RTTN: variants seen among roughly 807,000 people sequenced by gnomAD.
RTTN encodes rotatin.
RTTN carries 182 observed loss-of-function variants against 269.2 expected under a neutral mutation model. The ratio of observed to expected loss-of-function variants is 0.68; its 90% CI spans 0.60 to 0.76. RTTN has a LOEUF of 0.76. Ranked by LOEUF, RTTN falls within the 30% of genes least tolerant of loss-of-function variation. The pLI is 0.00. For missense variants in RTTN, 2,545 were observed against 2,608.6 expected, an observed-to-expected ratio of 0.98 and a Z score of 0.53; for synonymous variants, 1,006 against 963.5, an observed-to-expected ratio of 1.04 and a Z score of -0.82.
chr18:70,071,892 A>AT (rs1193847287), intron 34 of RTTN, among the ~76,000 whole-genome samples: 2 of 152,174 alleles, frequency 1.3e-5, no homozygotes, highest in African/African-American at 2.4e-5. Context: ...AAAGGATTGC[A>AT]TTTTTTCTCA....
chr18:70,109,127 T>C (rs1335202662), intron 28 of RTTN, among the ~76,000 whole-genome samples: 1 of 152,188 alleles, frequency 6.6e-6, no homozygotes, highest in Non-Finnish European at 1.5e-5. Context: ...AGCCTGAGTA[T>C]GCCGTATACA....
At chr18:70,076,311 G>T (rs991720020) in intron 32 of RTTN, among the ~76,000 whole-genome samples, 7 of 151,850 alleles carry the variant, frequency 4.6e-5, no homozygotes, top group African/African-American at 1.7e-4. Context: ...TTCAAAACAG[G>T]CCATAAGAGA....
At chr18:70,004,267 C>G (rs370702439) in intron 48 of RTTN, 31 bp from the exon 49 acceptor site, 1 of 1,507,506 alleles carries the variant, frequency 6.6e-7, no homozygotes, top group Non-Finnish European at 9.2e-7. Flanking sequence ...TACAGAAATA[C>G]TAGTTTATGA....
chr18:70,167,604 T>G (rs1024465464), intron 12 of RTTN, among the ~76,000 whole-genome samples: 1 of 151,312 alleles, frequency 6.6e-6, no homozygotes, highest in Non-Finnish European at 1.5e-5. Context: ...GAGCCTGTAA[T>G]CCCAGCTACT....
chr18:70,158,041 C>T lies in RTTN; in HGVS notation c.1930-7308G>A, dbSNP rs754010139. 1.3e-4 allele frequency among the ~76,000 whole-genome samples: 20 copies of T among 152,108 alleles called. 1 individual carries two copies. The Middle Eastern group carries it at 0.01, about 78-fold the overall frequency. ...AAGGCATATTTGTGGATATTTTCCA[C>T]GAAAATTTCTCCAACCTCACTAGGC... On this transcript the variant is annotated intron_variant, in intron 14 of 48. Coordinates refer to ENST00000640769, the MANE Select transcript of RTTN (RefSeq NM_173630.4).
In RTTN at chr18:70,204,128, C is replaced by A; in HGVS notation, c.355G>T (p.Val119Phe). Reference protein sequence around the residue: ...LDGLFLLPSEVPALSSASYQT... With the variant: ...LDGLFLLPSEFPALSSASYQT... ...TATGAGGCAGAAGATAGTGCAGGAA[C>A]TTCCGAAGGAAGAAGAAAAAGTCCA... The change falls in exon 3 of 49, where the codon GTT becomes TTT. Residue 119 changes from valine to phenylalanine, a missense_variant. Physicochemically the swap from Val to Phe is conservative, Grantham distance 50. Transcript: ENST00000640769. 24 of 1,614,032 alleles carry A rather than the reference C, an allele frequency of 1.5e-5. No homozygotes were observed. The highest frequency in any genetic ancestry group is 2.0e-5 in the Non-Finnish European group (24 of 1,179,934).
At chr18:70,155,576 G>T (rs1319525670) in intron 14 of RTTN, among the ~76,000 whole-genome samples, 1 of 152,146 alleles carries the variant, frequency 6.6e-6, no homozygotes, top group South Asian at 2.1e-4. Flanking sequence ...CCTAACTATG[G>T]GAGACCCCAT....
rs201359339 is a variant in RTTN, at chr18:70,020,668, T to A, written c.6100A>T (p.Met2034Leu). The A allele has an allele frequency of 1.2e-6, 2 of 1,614,036 alleles. No individual in the cohort carries two copies. The highest frequency in any genetic ancestry group is 1.7e-6 in the Non-Finnish European group (2 of 1,179,922). Residue 2034 changes from methionine (M) to leucine (L), a missense_variant, in exon 45 of 49, where the codon ATG (methionine) becomes TTG (leucine). Physicochemically the swap from Met to Leu is conservative, Grantham distance 15. Transcript: ENST00000640769. ...ENTTVQQMVF[M>L]LLSNLALSHD... ...GACAAGGCCAGGTTTGAAAGAAGCA[T>A]AAAAACCATCTGCTGAACCGTGGTG... is the stretch of plus-strand genomic sequence containing the variant.
At chr18:70,196,405 G>A (rs2061807497) in intron 7 of RTTN, 96 bp downstream of exon 7, 4 of 1,041,394 alleles carry the variant, frequency 3.8e-6, no homozygotes, top group Non-Finnish European at 4.2e-6. Context: ...TTGTGAAAAT[G>A]CGTACACAAT....
At chr18:70,117,420 A>G (rs2059628504) in intron 26 of RTTN, among the ~76,000 whole-genome samples, 1 of 152,064 alleles carries the variant, frequency 6.6e-6, no homozygotes, top group Non-Finnish European at 1.5e-5. Context: ...GTAGCATAAT[A>G]TTTAGGGAGT....
At chr18:70,199,546 G>A (rs1403035400) in intron 4 of RTTN, 42 bp from the exon 5 acceptor site, 1 of 1,310,978 alleles carries the variant, frequency 7.6e-7, no homozygotes, top group South Asian at 1.2e-5. Flanking sequence ...AAAGAATAAA[G>A]AGATGACAGA....
chr18:70,115,146 T>A (rs2059572357), intron 26 of RTTN, among the ~76,000 whole-genome samples: 1 of 152,226 alleles, frequency 6.6e-6, no homozygotes, highest in South Asian at 2.1e-4. Context: ...TTATCTTATG[T>A]ATGAATTCTG....
In RTTN at chr18:70,095,166, C is replaced by T. The variant is rs368002947; in HGVS notation, c.3904-2362G>A. On this transcript the variant is annotated intron_variant, in intron 28 of 48. Coordinates refer to ENST00000640769, the MANE Select transcript of RTTN (RefSeq NM_173630.4). ...TCCATTTGCTTGGTAAATCATCCTC[C>T]ATCCCTTTATTTCAAACTTATGTGT... is the stretch of plus-strand genomic sequence containing the variant. 2.0e-4 allele frequency among the ~76,000 whole-genome samples: 30 copies of T among 151,610 alleles called. No individual in the cohort carries two copies. The East Asian group carries it at 5.2e-3, about 26-fold the overall frequency.
chr18:70,057,843 C>G lies in RTTN; in HGVS notation c.4941-11G>C. 6.3e-7 allele frequency: 1 copy of G among 1,599,012 alleles called. No homozygotes were observed. On this transcript the variant is annotated splice_polypyrimidine_tract_variant and intron_variant, in intron 36 of 48. Coordinates refer to ENST00000640769, the MANE Select transcript of RTTN (RefSeq NM_173630.4). Reference sequence around the variant, plus strand: ...GTAGCATCTGCAATGCTGTGACGATCAGAAAAAGAAAATCCTTCAGAAGAT... The same window carrying G: ...GTAGCATCTGCAATGCTGTGACGATGAGAAAAAGAAAATCCTTCAGAAGAT...
chr18:70,140,883 G>A (rs1478802926), intron 19 of RTTN, among the ~76,000 whole-genome samples: 1 of 151,970 alleles, frequency 6.6e-6, no homozygotes, highest in Non-Finnish European at 1.5e-5. Context: ...ACAACTTGCA[G>A]ACAAATTTTC....
At chr18:70,161,836 TAAAAGAATAACAGGTGTTGGC>T (rs2060839923) in intron 14 of RTTN, among the ~76,000 whole-genome samples, 3 of 151,970 alleles carry the variant, frequency 2.0e-5, no homozygotes, top group Admixed American at 2.0e-4. Context: ...TATTAAAAAG[TAAAAGAATAACAGGTGTTGGC>T]AAGGTTGGAG....
intron 14 of RTTN, among the ~76,000 whole-genome samples, chr18:70,160,386 C>G (rs1350748823): frequency 6.6e-6 from 1 of 151,852 alleles, no homozygotes; most frequent in Non-Finnish European, 1.5e-5. Context: ...TTCAACATTC[C>G]TTCTTGTTAA....
Position 70,054,175 on chromosome 18 carries a change from G to A in RTTN, c.5141C>T (p.Thr1714Ile). The A allele has an allele frequency of 6.2e-7, 1 of 1,613,456 alleles. No homozygotes were observed. The change falls in exon 38 of 49, where the codon ACC becomes ATC. Residue 1714 changes from threonine (T) to isoleucine (I), a missense_variant. Physicochemically the swap from Thr to Ile is moderately conservative, Grantham distance 89. Coordinates refer to ENST00000640769, the MANE Select transcript of RTTN (RefSeq NM_173630.4). ...TATGGTGAGAATTCCAATGATATTGGTGATAAGAGGTTTCACAAGCTCATC... is the reference window on the plus strand; with the variant it reads ...TATGGTGAGAATTCCAATGATATTGATGATAAGAGGTTTCACAAGCTCATC... Reference protein sequence around the residue: ...IQDELVKPLITNIIGILTICT... With the variant: ...IQDELVKPLIINIIGILTICT...
At chr18:70,197,888 A>C in intron 5 of RTTN, 150 bp from the exon 6 acceptor site, 15 of 594,304 alleles carry the variant, frequency 2.5e-5, no homozygotes, top group East Asian at 5.8e-5. Context: ...CTTTTCCCTA[A>C]CCAATAAACA....
Sources: gnomAD v4.1 joint callset for allele counts (sites outside exome capture counted in the v4.1 genomes callset) on GRCh38, gnomAD v4.1.1 for gene constraint, MANE v1.5 for transcripts, NCBI Gene and HGNC (gene_info 2026-07-23, HGNC 2026-07-21) for gene names.